Variants in PPP1CB observed in about 807,000 individuals in gnomAD.
PPP1CB encodes serine/threonine-protein phosphatase PP1-beta catalytic subunit.
In PPP1CB, 2 loss-of-function variants were observed where a neutral mutation model predicts 43.7. The observed-to-expected ratio is 0.05, with a 90% confidence interval of 0.02 to 0.14. The LOEUF (loss-of-function observed/expected upper bound fraction) is 0.14. Ranked by LOEUF, PPP1CB falls within the 10% of genes least tolerant of loss-of-function variation. The probability of loss-of-function intolerance (pLI) is 1.00; values close to 1 mark genes in which losing one functional copy is unlikely to be tolerated. For missense variants in PPP1CB, 84 were observed against 398.0 expected, an observed-to-expected ratio of 0.21 and a Z score of 6.71; for synonymous variants, 136 against 135.6, an observed-to-expected ratio of 1.00 and a Z score of -0.02.
chr2:28,799,523 C>A lies in PPP1CB; in HGVS notation c.*220C>A. Reference sequence around the variant, plus strand: ...CTGTTATAGTCAACAAAGTTAAATCCAAATTCAAAATTATCCATTAAAGTT... The same window carrying A: ...CTGTTATAGTCAACAAAGTTAAATCAAAATTCAAAATTATCCATTAAAGTT... On this transcript the variant is annotated 3_prime_UTR_variant, in exon 8 of 8. Coordinates refer to ENST00000395366, the MANE Select transcript of PPP1CB (RefSeq NM_002709.3). 1 of 386,952 alleles carries A rather than the reference C, an allele frequency of 2.6e-6. No homozygotes were observed. The highest frequency in any genetic ancestry group is 9.6e-5 in the South Asian group (1 of 10,448). 24.0% of individuals were successfully genotyped at this position (386,952 alleles called of 1,614,324 possible).
intron 1 of PPP1CB, among the ~76,000 whole-genome samples, chr2:28,769,977 A>T (rs1666868011): frequency 6.6e-6 from 1 of 152,084 alleles, no homozygotes; most frequent in Non-Finnish European, 1.5e-5. Flanking sequence ...ATGTAAAAGG[A>T]GCAAATATTG....
intron 1 of PPP1CB, among the ~76,000 whole-genome samples, 167 bp downstream of exon 1, chr2:28,752,343 C>A (rs1298501282): frequency 6.6e-6 from 1 of 151,932 alleles, no homozygotes; most frequent in African/African-American, 2.4e-5. Flanking sequence ...AGGCTCTGGG[C>A]GCGGGGGAGC....
At chr2:28,775,993 A>G (rs1667031950) in intron 1 of PPP1CB, among the ~76,000 whole-genome samples, 1 of 152,000 alleles carries the variant, frequency 6.6e-6, no homozygotes, top group African/African-American at 2.4e-5. Flanking sequence ...CATAGCTGAT[A>G]TCTTTTTTGT....
chr2:28,790,605 G>A (rs1667366116), intron 6 of PPP1CB, among the ~76,000 whole-genome samples: 1 of 152,196 alleles, frequency 6.6e-6, no homozygotes, highest in African/African-American at 2.4e-5. Context: ...CTCCCAAAGT[G>A]CTGGGATTAC....
intron 4 of PPP1CB, among the ~76,000 whole-genome samples, chr2:28,783,629 C>T (rs191319260): frequency 1.3e-5 from 2 of 151,842 alleles, no homozygotes; most frequent in Admixed American, 6.6e-5. Context: ...TGGTGGCGCG[C>T]GTCTGTAGTC....
At chr2:28,790,818 C>G (rs1667369256) in intron 6 of PPP1CB, among the ~76,000 whole-genome samples, 1 of 152,126 alleles carries the variant, frequency 6.6e-6, no homozygotes, top group South Asian at 2.1e-4. Context: ...GTAGCAAAAT[C>G]ATGAAAAGTA....
intron 4 of PPP1CB, chr2:28,782,088 C>CCTTTCTCAAGAAAA (rs754900711): frequency 9.2e-6 from 4 of 436,570 alleles, no homozygotes; most frequent in Non-Finnish European, 1.6e-5. Context: ...GAGAAAGTCT[C>CCTTTCTCAAGAAAA]CTTTGCCTCA....
In PPP1CB at chr2:28,759,557, A is replaced by G. The variant is rs114191246; in HGVS notation, c.52+7381A>G. On this transcript the variant is annotated intron_variant, in intron 1 of 7. Transcript: ENST00000395366. ...AAAAAAAAAAAAAAAGTATAACACA[A>G]TTATATAGAGTACATAATACTTGAT... Among the ~76,000 whole-genome samples, 894 of 150,640 alleles carry G rather than the reference A, an allele frequency of 5.9e-3. 7 individuals carry two copies. The highest frequency in any genetic ancestry group is 0.021 in the African/African-American group (849 of 40,970).
At chr2:28,774,670 C>T (rs1313841053) in intron 1 of PPP1CB, among the ~76,000 whole-genome samples, 3 of 152,198 alleles carry the variant, frequency 2.0e-5, no homozygotes, top group Non-Finnish European at 4.4e-5. Flanking sequence ...AGGTGATCCA[C>T]CCACCTCGGC....
At chr2:28,789,003 G>A (rs527525844) in intron 6 of PPP1CB, among the ~76,000 whole-genome samples, 194 bp downstream of exon 6, 2 of 151,992 alleles carry the variant, frequency 1.3e-5, no homozygotes, top group African/African-American at 2.4e-5. Flanking sequence ...GACGATAGCC[G>A]TGTGCCACCA....
At chr2:28,785,877 C>G (rs915512074) in intron 5 of PPP1CB, among the ~76,000 whole-genome samples, 1 of 151,666 alleles carries the variant, frequency 6.6e-6, no homozygotes, top group African/African-American at 2.4e-5. Flanking sequence ...GGTCATTCTT[C>G]AGAATATCTG....
At chr2:28,771,055 CTT>C (rs61477582) in intron 1 of PPP1CB, among the ~76,000 whole-genome samples, 4 of 59,590 alleles carry the variant, frequency 6.7e-5, no homozygotes, top group Non-Finnish European at 1.3e-4. Context: ...CCCCCCCACC[CTT>C]TTTTTTTTTT....
chr2:28,770,381 A>AGGGGG (rs113131889), intron 1 of PPP1CB, among the ~76,000 whole-genome samples: 12 of 99,378 alleles, frequency 1.2e-4, no homozygotes, highest in South Asian at 3.7e-4. Flanking sequence ...AGTAAAAAAA[A>AGGGGG]GGGGGGGGGG....
In PPP1CB at chr2:28,752,088, G is replaced by A. The variant is rs1559036315; in HGVS notation, c.-37G>A. 6.5e-7 allele frequency: 1 copy of A among 1,548,442 alleles called. No homozygotes were observed. The highest frequency in any genetic ancestry group is 8.7e-7 in the Non-Finnish European group (1 of 1,144,672). On this transcript the variant is annotated 5_prime_UTR_variant, in exon 1 of 8. Transcript: ENST00000395366. Reference sequence around the variant, plus strand: ...CAGCCTCCGCCGCCGAGAAGCCCTTGTTCCCGCTGCTGGGAAGGAGAGTCT... The same window carrying A: ...CAGCCTCCGCCGCCGAGAAGCCCTTATTCCCGCTGCTGGGAAGGAGAGTCT...
At chr2:28,787,316 G>T (rs1374087469) in intron 5 of PPP1CB, among the ~76,000 whole-genome samples, 2 of 152,010 alleles carry the variant, frequency 1.3e-5, no homozygotes, top group African/African-American at 4.8e-5. Flanking sequence ...AAAATTAGCC[G>T]GGCGTGGTAG....
In PPP1CB at chr2:28,801,961, C is replaced by T. The variant is rs981558885; in HGVS notation, c.*2658C>T. ...GACTGGTTTGTGCAAAGCGTTGAGT[C>T]ATCAGGTATTTAGAGCCTAGCCAGC... On this transcript the variant is annotated 3_prime_UTR_variant, in exon 8 of 8. Coordinates refer to ENST00000395366, the MANE Select transcript of PPP1CB (RefSeq NM_002709.3). 1 of 152,160 alleles carries T rather than the reference C, an allele frequency of 6.6e-6. No individual in the cohort carries two copies. Among genetic ancestry groups the T allele is most frequent in the African/African-American group, 2.4e-5 (1 of 41,432 alleles). The allele number at this position is 152,160 out of a possible 1,614,324, so 9.4% of individuals were successfully genotyped here. A position where few individuals can be genotyped will look rare whatever the true frequency, so the allele number is the denominator to read the frequency against.
In PPP1CB at chr2:28,794,763, CATTT is replaced by C. The variant is rs757686588; in HGVS notation, c.879+779_879+782del. 5.3e-5 allele frequency among the ~76,000 whole-genome samples: 8 copies of C among 152,112 alleles called. No individual in the cohort carries two copies. The South Asian group carries it at 6.2e-4, about 12-fold the overall frequency. ...AAACTACCCGTTTATGTCACAGGAA[CATTT>C]ATTTATTTATTTTTTTCTTTTGAGG... On this transcript the variant is annotated intron_variant, in intron 7 of 7. Coordinates refer to ENST00000395366, the MANE Select transcript of PPP1CB (RefSeq NM_002709.3).
At chr2:28,752,243 C>T (rs1666318514) in intron 1 of PPP1CB, 67 bp downstream of exon 1, 4 of 1,376,788 alleles carry the variant, frequency 2.9e-6, no homozygotes, top group Middle Eastern at 4.8e-4. Flanking sequence ...GCGTCCCCGT[C>T]TGCCGCCGGA....
chr2:28,792,574 T>G (rs62131965), intron 6 of PPP1CB, among the ~76,000 whole-genome samples: 2 of 152,116 alleles, frequency 1.3e-5, no homozygotes, highest in East Asian at 3.9e-4. Context: ...CCATTTGCTA[T>G]GTGGAGCAGG....
Sources: allele counts gnomAD v4.1 joint callset (sites outside exome capture counted in the v4.1 genomes callset), GRCh38; gene constraint gnomAD v4.1.1; transcripts MANE v1.5; gene names NCBI Gene and HGNC (gene_info 2026-07-23, HGNC 2026-07-21).